NTM: variants seen among roughly 807,000 people sequenced by gnomAD.
NTM encodes the protein neurotrimin.
In NTM, 13 loss-of-function variants were observed where a neutral mutation model predicts 42.1. The observed-to-expected ratio is 0.31, with a 90% CI of 0.20 to 0.49. NTM has a LOEUF of 0.49. Among genes scored for constraint, NTM ranks in the 20% least tolerant of loss-of-function variants. The probability of loss-of-function intolerance (pLI) is 0.99; values close to 1 mark genes in which losing one functional copy is unlikely to be tolerated. For missense variants in NTM, 373 were observed against 452.8 expected, an observed-to-expected ratio of 0.82 and a Z score of 1.60; for synonymous variants, 187 against 179.2, an observed-to-expected ratio of 1.04 and a Z score of -0.35.
intron 1 of NTM, among the ~76,000 whole-genome samples, chr11:131,874,278 T>C (rs1241313155): frequency 1.3e-5 from 2 of 151,522 alleles, no homozygotes; most frequent in African/African-American, 4.8e-5. Flanking sequence ...ACAAGAGCTA[T>C]AAATCTAGGG....
At chr11:132,181,369 G>C (rs1592062939) in intron 3 of NTM, among the ~76,000 whole-genome samples, 1 of 152,182 alleles carries the variant, frequency 6.6e-6, no homozygotes, top group Non-Finnish European at 1.5e-5. Context: ...TCATCCTGCT[G>C]TGTTCTGCCT....
intron 1 of NTM, among the ~76,000 whole-genome samples, chr11:131,429,010 G>A (rs907016189): frequency 7.2e-5 from 11 of 151,980 alleles, no homozygotes; most frequent in African/African-American, 1.9e-4. Flanking sequence ...AGCCGAGATC[G>A]TGCAGCTGCA....
At chr11:131,502,196 T>A (rs1032486946) in intron 1 of NTM, among the ~76,000 whole-genome samples, 1 of 152,002 alleles carries the variant, frequency 6.6e-6, no homozygotes, top group African/African-American at 2.4e-5. Context: ...TTTGGAGGTG[T>A]GGTCTTTAGG....
At chr11:132,258,435 A>G (rs901258690) in intron 4 of NTM, among the ~76,000 whole-genome samples, 3 of 152,152 alleles carry the variant, frequency 2.0e-5, no homozygotes, top group Admixed American at 1.3e-4. Flanking sequence ...ATACTTGGGC[A>G]GTTCTTGGAC....
At chr11:131,958,997 G>C (rs547296213) in intron 2 of NTM, among the ~76,000 whole-genome samples, 1 of 152,250 alleles carries the variant, frequency 6.6e-6, no homozygotes, top group Admixed American at 6.5e-5. Context: ...CGGAAGAAAC[G>C]AGACTCCAGG....
In NTM at chr11:131,618,056, A is replaced by C. The variant is rs186807404; in HGVS notation, c.82+247168A>C. On this transcript the variant is annotated intron_variant, in intron 1 of 8. Transcript: ENST00000683400. ...GAAATAGGTAGGGAGTTGGTGTTAA[A>C]AAAGCAATCCCAGAAAGGCTTGAGG... Among the ~76,000 whole-genome samples the C allele has an allele frequency of 1.0e-3, 154 of 152,354 alleles. 1 individual carries two copies. Among genetic ancestry groups the C allele is most frequent in the Non-Finnish European group, 1.7e-3 (118 of 68,030 alleles).
intron 1 of NTM, among the ~76,000 whole-genome samples, chr11:131,648,271 T>C (rs992377965): frequency 6.6e-6 from 1 of 152,222 alleles, no homozygotes; most frequent in African/African-American, 2.4e-5. Flanking sequence ...ATTCCATGTC[T>C]TTGCTATTGT....
In NTM at chr11:132,146,272, T is replaced by G; in HGVS notation, c.168-10T>G. ...AGTCCCTTGACGTACCTGTCTGGTCTTCCCTTCAGGTGCACTATTGACAAC... is the reference window on the plus strand; with the variant it reads ...AGTCCCTTGACGTACCTGTCTGGTCGTCCCTTCAGGTGCACTATTGACAAC... On this transcript the variant is annotated splice_polypyrimidine_tract_variant and intron_variant, in intron 2 of 8. Transcript: ENST00000683400. This position sits in a 1 kb window ranked among gnomAD's most constrained non-coding sequence, Gnocchi z 4.5. 1.2e-6 allele frequency: 2 copies of G among 1,614,122 alleles called. No individual in the cohort carries two copies. The highest frequency in any genetic ancestry group is 1.7e-6 in the Non-Finnish European group (2 of 1,179,958).
At chr11:132,128,136 G>A (rs144509103) in intron 2 of NTM, among the ~76,000 whole-genome samples, 3 of 152,192 alleles carry the variant, frequency 2.0e-5, no homozygotes, top group African/African-American at 7.2e-5. Flanking sequence ...GGGACAGGAC[G>A]CTGGAGAGGA....
At chr11:132,103,450 A>G (rs750693857) in intron 2 of NTM, among the ~76,000 whole-genome samples, 107 of 152,364 alleles carry the variant, frequency 7.0e-4, no homozygotes, top group African/African-American at 2.5e-3. Flanking sequence ...CAATCATGTG[A>G]AAATGCCTTT....
At chr11:131,384,210 G>C (rs967730619) in intron 1 of NTM, among the ~76,000 whole-genome samples, 1 of 152,158 alleles carries the variant, frequency 6.6e-6, no homozygotes, top group South Asian at 2.1e-4. Context: ...TACCCAGGGA[G>C]AGAGTAAGGA....
At chr11:131,416,349 C>T (rs1164485930) in intron 1 of NTM, among the ~76,000 whole-genome samples, 1 of 152,136 alleles carries the variant, frequency 6.6e-6, no homozygotes, top group Admixed American at 6.5e-5. Flanking sequence ...TCAAACTCAT[C>T]ATTTTTTACC....
intron 7 of NTM, among the ~76,000 whole-genome samples, chr11:132,319,991 T>C (rs1366148578): frequency 2.0e-5 from 3 of 152,172 alleles, no homozygotes; most frequent in East Asian, 1.9e-4. Context: ...CCGCTGCTGA[T>C]ACCCAGGCAA....
At chr11:131,907,472 T>C (rs2054031497) in intron 1 of NTM, among the ~76,000 whole-genome samples, 1 of 152,220 alleles carries the variant, frequency 6.6e-6, no homozygotes, top group Non-Finnish European at 1.5e-5. Context: ...ATTGTTTCCT[T>C]TTGCTCAGGG....
intron 3 of NTM, among the ~76,000 whole-genome samples, chr11:132,183,260 T>C (rs1430440830): frequency 6.6e-6 from 1 of 152,164 alleles, no homozygotes; most frequent in Non-Finnish European, 1.5e-5. Context: ...TGGAGAGGCA[T>C]GCCCACCAAC....
At chr11:132,060,128 G>A (rs1360710766) in intron 2 of NTM, among the ~76,000 whole-genome samples, 2 of 152,176 alleles carry the variant, frequency 1.3e-5, no homozygotes, top group Admixed American at 6.5e-5. Context: ...GCCTCTTCAG[G>A]CCAAAACCCA....
chr11:132,023,074 G>A (rs2074590059), intron 2 of NTM, among the ~76,000 whole-genome samples: 1 of 152,194 alleles, frequency 6.6e-6, no homozygotes, highest in South Asian at 2.1e-4. Flanking sequence ...ATACAAGGAG[G>A]ACCTGGGTTT....
At chr11:131,690,851 C>T (rs577089082) in intron 1 of NTM, among the ~76,000 whole-genome samples, 40 of 152,320 alleles carry the variant, frequency 2.6e-4, no homozygotes, top group Middle Eastern at 3.4e-3. Flanking sequence ...CAGAAGGAAG[C>T]TGTTTGTCCT....
chr11:131,555,174 C>T (rs1342809502), intron 1 of NTM, among the ~76,000 whole-genome samples: 1 of 152,008 alleles, frequency 6.6e-6, no homozygotes, highest in Non-Finnish European at 1.5e-5. Context: ...AAACAAAAAC[C>T]AAAAAACAAA....
Sources: allele counts gnomAD v4.1 joint callset (sites outside exome capture counted in the v4.1 genomes callset), GRCh38; gene constraint gnomAD v4.1.1; non-coding constraint Gnocchi (gnomAD v3.1); transcripts MANE v1.5; gene names NCBI Gene and HGNC (gene_info 2026-07-23, HGNC 2026-07-21).